The following ZFR2 variants were observed in gnomAD, a reference collection of about 807,000 sequenced individuals.
The protein encoded by ZFR2 is zinc finger RNA binding protein 2, also known as zinc finger RNA-binding protein 2.
In ZFR2, 104 loss-of-function variants were observed where a neutral mutation model predicts 105.7. That is an observed-to-expected ratio of 0.98 (90% CI 0.84 to 1.16). ZFR2 has a LOEUF of 1.16. ZFR2 is among the 50% of genes most tolerant of loss of function. The pLI is 0.00. For missense variants in ZFR2, 1,425 were observed against 1,355.5 expected, an observed-to-expected ratio of 1.05 and a Z score of -0.80; for synonymous variants, 634 against 597.7, an observed-to-expected ratio of 1.06 and a Z score of -0.89.
chr19:3,826,369 C>T (rs554670077), intron 6 of ZFR2, among the ~76,000 whole-genome samples: 1 of 152,172 alleles, frequency 6.6e-6, no homozygotes, highest in Non-Finnish European at 1.5e-5. Flanking sequence ...CACAAGCCAG[C>T]TGTCCCCTCC....
intron 1 of ZFR2, among the ~76,000 whole-genome samples, chr19:3,867,794 T>A (rs2038449417): frequency 6.6e-6 from 1 of 151,900 alleles, no homozygotes; most frequent in Admixed American, 6.6e-5. Context: ...CCAACCTCGG[T>A]TTCCGCCCCT....
At chr19:3,819,303 G>A in intron 11 of ZFR2, 68 bp from the exon 12 acceptor site, 1 of 1,404,970 alleles carries the variant, frequency 7.1e-7, no homozygotes, top group Non-Finnish European at 9.3e-7. Flanking sequence ...GGGCAGGCGG[G>A]CAGGTGGGGG....
rs199803503 is a variant in ZFR2, at chr19:3,834,866, G to A, written c.171C>T (p.Tyr57=). Residue 57 remains tyrosine (Y), a synonymous_variant, in exon 2 of 19, where the codon TAC becomes TAT. Transcript: ENST00000262961. The surrounding 1 kb of genome is among the most constrained non-coding windows in gnomAD (Gnocchi z 5.3). Reference sequence around the variant, plus strand: ...GGCCGGAGTGGGGCTGGTATCCACCGTACCCTGCCGGGGCAGCTGGGGGAA... The same window carrying A: ...GGCCGGAGTGGGGCTGGTATCCACCATACCCTGCCGGGGCAGCTGGGGGAA... ...PAFPPAAPAG[Y]GGYQPHSGQD... The A allele has an allele frequency of 7.6e-4, 1,221 of 1,611,602 alleles. 3 individuals are homozygous for A. The highest frequency in any genetic ancestry group is 1.3e-3 in the Admixed American group (77 of 59,708).
At chr19:3,819,787 G>A (rs1478892631) in intron 11 of ZFR2, among the ~76,000 whole-genome samples, 1 of 150,032 alleles carries the variant, frequency 6.7e-6, no homozygotes, top group African/African-American at 2.5e-5. Context: ...TGGAGGCAGA[G>A]GTTGCAGTGA....
rs527958029 is a variant in ZFR2, at chr19:3,820,261, A to C, written c.1661T>G (p.Val554Gly). Residue 554 changes from valine (V) to glycine (G), a missense_variant, in exon 11 of 19, where the codon GTG becomes GGG. Coordinates refer to ENST00000262961, the MANE Select transcript of ZFR2 (RefSeq NM_015174.2). ...CCAGTCGGGCGGCGCGTGGGGCGGCACGTCCTGGGGTGGCTCCTCCTCCAG... is the reference window on the plus strand; with the variant it reads ...CCAGTCGGGCGGCGCGTGGGGCGGCCCGTCCTGGGGTGGCTCCTCCTCCAG... ...RRLEEEPPQDVPPHAPPDWAQ... is the reference protein window; with the variant it reads ...RRLEEEPPQDGPPHAPPDWAQ... 748 of 1,547,846 alleles carry C rather than the reference A, an allele frequency of 4.8e-4. No individual in the cohort carries two copies. Among genetic ancestry groups the C allele is most frequent in the Non-Finnish European group, 6.3e-4 (726 of 1,146,452 alleles).
At position 3,838,693 on chromosome 19, in the gene ZFR2, T is replaced by G. The variant is rs1205402746; in HGVS notation, c.54-3710A>C. On this transcript the variant is annotated intron_variant, in intron 1 of 18. Coordinates refer to ENST00000262961, the MANE Select transcript of ZFR2 (RefSeq NM_015174.2). The surrounding 1 kb of genome is among the most constrained non-coding windows in gnomAD (Gnocchi z 4.9). ...CCCGTCCCCGCTGCCTGCAAGTGGC[T>G]GCTCAGTGACACCCTGGGACGAGCC... Among the ~76,000 whole-genome samples, 1 of 152,210 alleles carries G rather than the reference T, an allele frequency of 6.6e-6. No homozygotes were observed. The highest frequency in any genetic ancestry group is 1.5e-5 in the Non-Finnish European group (1 of 68,032).
rs543429592 is a variant in ZFR2 at position 3,813,100 on chromosome 19, A to G, written c.2242+720T>C. 6.6e-6 allele frequency among the ~76,000 whole-genome samples: 1 copy of G among 152,332 alleles called. No homozygotes were observed. Among genetic ancestry groups the G allele is most frequent in the East Asian group, 1.9e-4 (1 of 5,186 alleles). The stretch of plus-strand genomic sequence containing the variant: ...GTCTCAAAAAACAAACAAACAAAAA[A>G]TACCAAATCGATTGAAAGAGAAACA... On this transcript the variant is annotated intron_variant, in intron 14 of 18. Coordinates refer to ENST00000262961, the MANE Select transcript of ZFR2 (RefSeq NM_015174.2). This position sits in a 1 kb window ranked among gnomAD's most constrained non-coding sequence, Gnocchi z 4.4.
intron 17 of ZFR2, among the ~76,000 whole-genome samples, chr19:3,807,518 C>A (rs1413128071): frequency 6.6e-6 from 1 of 152,136 alleles, no homozygotes; most frequent in Non-Finnish European, 1.5e-5. Flanking sequence ...TGTGTGTGTT[C>A]GTGCCTGTGT....
intron 1 of ZFR2, chr19:3,852,083 T>G (rs2038243852): frequency 3.6e-6 from 1 of 279,022 alleles, no homozygotes; most frequent in African/African-American, 2.3e-5. Flanking sequence ...GGGTGCCTCT[T>G]CTGGCCAAGG....
At chr19:3,806,312 G>C (rs914501205) in intron 18 of ZFR2, among the ~76,000 whole-genome samples, 187 bp from the exon 19 acceptor site, 1 of 152,214 alleles carries the variant, frequency 6.6e-6, no homozygotes. Context: ...ACCCAGGCTG[G>C]AGTGCAGTGG....
Position 3,813,602 on chromosome 19 carries a change from G to A in ZFR2, c.2242+218C>T, listed in dbSNP as rs2037794283. Among the ~76,000 whole-genome samples, 1 of 152,210 alleles carries A rather than the reference G, an allele frequency of 6.6e-6. No homozygotes were observed. The highest frequency in any genetic ancestry group is 6.5e-5 in the Admixed American group (1 of 15,274). ...CAAGGCCCCTGCAGCCAGGCTCTGA[G>A]CCCATCTGATGCTGTCACCGACTCG... On this transcript the variant is annotated intron_variant, in intron 14 of 18. Transcript: ENST00000262961. This position sits in a 1 kb window ranked among gnomAD's most constrained non-coding sequence, Gnocchi z 4.4.
rs148683053 is a variant in ZFR2 at position 3,834,477 on chromosome 19, C to T, written c.264+296G>A. On this transcript the variant is annotated intron_variant, in intron 2 of 18. Coordinates refer to ENST00000262961, the MANE Select transcript of ZFR2 (RefSeq NM_015174.2). This position sits in a 1 kb window ranked among gnomAD's most constrained non-coding sequence, Gnocchi z 5.3. ...TCCTGTAACCCAGGCGACCCTCCTC[C>T]TCCTTCATAGTCACTGCTGAAGCTG... is the stretch of plus-strand genomic sequence containing the variant. 6.0e-4 allele frequency among the ~76,000 whole-genome samples: 91 copies of T among 152,244 alleles called. No homozygotes were observed. The highest frequency in any genetic ancestry group is 2.1e-3 in the African/African-American group (87 of 41,534).
Position 3,831,752 on chromosome 19 carries a change from G to C in ZFR2, c.506C>G (p.Pro169Arg). Residue 169 changes from proline (P) to arginine (R), a missense_variant, in exon 4 of 19, where the codon CCC becomes CGC. By Grantham distance (103) the Pro-to-Arg change is moderately radical. Coordinates refer to ENST00000262961, the MANE Select transcript of ZFR2 (RefSeq NM_015174.2). ...ASTLSSGYTY[P>R]TATGVQPESS... The stretch of plus-strand genomic sequence containing the variant: ...CTCGGGCTGGACGCCTGTCGCCGTG[G>C]GGTAGGTGTATCCCGAGGACAAGGT... The C allele has an allele frequency of 6.2e-7, 1 of 1,609,078 alleles. No individual in the cohort carries two copies. Among genetic ancestry groups the C allele is most frequent in the Non-Finnish European group, 8.5e-7 (1 of 1,178,268 alleles).
At chr19:3,832,684 C>A (rs1286389323) in intron 3 of ZFR2, among the ~76,000 whole-genome samples, 1 of 150,494 alleles carries the variant, frequency 6.6e-6, no homozygotes, top group Non-Finnish European at 1.5e-5. Context: ...GCTGCCCAGG[C>A]TGGAGTGCAG....
rs141903209 is a variant in ZFR2 at position 3,837,073 on chromosome 19, C to T, written c.54-2090G>A. Among the ~76,000 whole-genome samples, 262 of 152,294 alleles carry T rather than the reference C, an allele frequency of 1.7e-3. 1 individual carries two copies. The highest frequency in any genetic ancestry group is 5.6e-3 in the African/African-American group (234 of 41,552). Reference sequence around the variant, plus strand: ...ACTCCTGCCAGCCAGGTGAGTCATCCGCAGTGTCAGGGCCGGGGACAAGGA... The same window carrying T: ...ACTCCTGCCAGCCAGGTGAGTCATCTGCAGTGTCAGGGCCGGGGACAAGGA... On this transcript the variant is annotated intron_variant, in intron 1 of 18. Coordinates refer to ENST00000262961, the MANE Select transcript of ZFR2 (RefSeq NM_015174.2).
At chr19:3,868,554 G>A (rs1019351868) in intron 1 of ZFR2, among the ~76,000 whole-genome samples, 7 of 150,370 alleles carry the variant, frequency 4.7e-5, no homozygotes, top group African/African-American at 1.5e-4. Context: ...GGTCAGTTCC[G>A]TCCCCTCCCC....
At position 3,806,115 on chromosome 19, in the gene ZFR2, C is replaced by G. The variant is rs780942238; in HGVS notation, c.2654G>C (p.Arg885Pro). 1.3e-5 allele frequency: 19 copies of G among 1,459,744 alleles called. No individual in the cohort carries two copies. The highest frequency in any genetic ancestry group is 1.7e-5 in the Non-Finnish European group (19 of 1,105,582). The allele number at this position is 1,459,744 out of a possible 1,614,324, so 90.4% of individuals were successfully genotyped here. The change falls in exon 19 of 19, where the codon CGA becomes CCA. Residue 885 changes from arginine to proline, a missense_variant. By Grantham distance (103) the Arg-to-Pro change is moderately radical (BLOSUM62 -2). Transcript: ENST00000262961. ...DVTASAQHALRMLAFRQTHKV... is the reference protein window; with the variant it reads ...DVTASAQHALPMLAFRQTHKV... ...GTGGGTCTGCCGGAAGGCCAGCATT[C>G]GCAGGGCGTGCTGCGGGGCACACAC...
chr19:3,811,435 G>A, intron 14 of ZFR2, 69 bp from the exon 15 acceptor site: 1 of 1,473,314 alleles, frequency 6.8e-7, no homozygotes, highest in Non-Finnish European at 9.2e-7. Flanking sequence ...GACGGGGTGA[G>A]GGGCTCAGTT....
At position 3,813,878 on chromosome 19, in the gene ZFR2, C is replaced by A; in HGVS notation, c.2184G>T (p.Met728Ile). 1 of 1,613,936 alleles carries A rather than the reference C, an allele frequency of 6.2e-7. No individual in the cohort carries two copies. The highest frequency in any genetic ancestry group is 8.5e-7 in the Non-Finnish European group (1 of 1,179,868). ...GTGAGGTGACAGATATGGTGACCTGCATCCTGGGCTCCTCACAGGAGGAGA... is the reference window on the plus strand; with the variant it reads ...GTGAGGTGACAGATATGGTGACCTGAATCCTGGGCTCCTCACAGGAGGAGA... ...IVISSCEEPR[M>I]QVTISVTSPL... The change falls in exon 14 of 19, where the codon ATG (methionine) becomes ATT (isoleucine). Residue 728 changes from methionine to isoleucine, a missense_variant. Coordinates refer to ENST00000262961, the MANE Select transcript of ZFR2 (RefSeq NM_015174.2). The surrounding 1 kb of genome is among the most constrained non-coding windows in gnomAD (Gnocchi z 4.4).
Sources: allele counts gnomAD v4.1 joint callset (sites outside exome capture counted in the v4.1 genomes callset), GRCh38; gene constraint gnomAD v4.1.1; non-coding constraint Gnocchi (gnomAD v3.1); transcripts MANE v1.5; gene names NCBI Gene and HGNC (gene_info 2026-07-23, HGNC 2026-07-21).